SULT4A1: variants seen among roughly 807,000 people sequenced by gnomAD.
The protein encoded by SULT4A1 is sulfotransferase family 4A member 1, also known as sulfotransferase 4A1.
SULT4A1 carries 11 observed loss-of-function variants against 35.2 expected under a neutral mutation model. That is an observed-to-expected ratio of 0.31 (90% CI 0.20 to 0.52). SULT4A1 has a LOEUF of 0.52. SULT4A1 is among the 20% of genes least tolerant of loss of function. The pLI is 0.97. For missense variants in SULT4A1, 271 were observed against 383.7 expected (o/e 0.71, Z 2.45); for synonymous variants, 152 against 151.8 (o/e 1.00, Z -0.01).
At chr22:43,834,249 A>G (rs373145345) in intron 4 of SULT4A1, among the ~76,000 whole-genome samples, 168 of 151,192 alleles carry the variant, frequency 1.1e-3, no homozygotes, top group African/African-American at 3.7e-3. Context: ...TCCTGTCCTG[A>G]CCTCCAAGAG....
rs141526060 is a variant in SULT4A1, at chr22:43,849,545, G to A, written c.170-7613C>T. Reference sequence around the variant, plus strand: ...CGGACAGAAGCAGTGTGACTTCAGAGGAACAGGCTCATGGTGTAGCTTCGG... The same window carrying A: ...CGGACAGAAGCAGTGTGACTTCAGAAGAACAGGCTCATGGTGTAGCTTCGG... On this transcript the variant is annotated intron_variant, in intron 1 of 6. Transcript: ENST00000330884. Among the ~76,000 whole-genome samples, 11 of 152,288 alleles carry A rather than the reference G, an allele frequency of 7.2e-5. No individual in the cohort carries two copies. In the East Asian group the frequency reaches 2.1e-3, roughly 29 times the overall value.
intron 1 of SULT4A1, among the ~76,000 whole-genome samples, chr22:43,851,321 A>C (rs959507304): frequency 6.6e-6 from 1 of 152,138 alleles, no homozygotes; most frequent in Admixed American, 6.5e-5. Flanking sequence ...AGGTGGTGTT[A>C]TTCTGGGTTT....
intron 1 of SULT4A1, among the ~76,000 whole-genome samples, chr22:43,856,923 A>T (rs773845887): frequency 2.6e-5 from 4 of 152,188 alleles, no homozygotes; most frequent in Admixed American, 6.5e-5. Context: ...AAAAGGTACT[A>T]TTCACAAAAA....
intron 2 of SULT4A1, among the ~76,000 whole-genome samples, chr22:43,841,150 G>A (rs539283233): frequency 9.8e-5 from 15 of 152,354 alleles, no homozygotes; most frequent in Middle Eastern, 3.4e-3. Context: ...CAAAATGGCC[G>A]TTCAGGCCCG....
chr22:43,847,844 C>G (rs896014057), intron 1 of SULT4A1, among the ~76,000 whole-genome samples: 1 of 152,240 alleles, frequency 6.6e-6, no homozygotes, highest in African/African-American at 2.4e-5. Context: ...TGGTCTTAGT[C>G]ACTGTTTTAG....
intron 1 of SULT4A1, among the ~76,000 whole-genome samples, chr22:43,847,686 C>T (rs2063485470): frequency 6.6e-6 from 1 of 151,398 alleles, no homozygotes; most frequent in South Asian, 2.1e-4. Context: ...CTTGGGCTTG[C>T]TCTGTGGGTC....
intron 1 of SULT4A1, 53 bp downstream of exon 1, chr22:43,862,161 C>A: frequency 7.4e-7 from 1 of 1,357,120 alleles, no homozygotes; most frequent in Non-Finnish European, 9.5e-7. Flanking sequence ...TCTACGCGGC[C>A]GCGCTGCAGG....
chr22:43,826,256 C>T (rs1359438311), intron 6 of SULT4A1, 143 bp from the exon 7 acceptor site: 14 of 1,456,840 alleles, frequency 9.6e-6, no homozygotes, highest in East Asian at 2.5e-5. Context: ...CAGGAAGGGC[C>T]GTCTGAGCTA....
chr22:43,827,500 G>A (rs2063295766), intron 6 of SULT4A1: 1 of 1,329,472 alleles, frequency 7.5e-7, no homozygotes, highest in South Asian at 1.2e-5. Context: ...GAGCTCGTCA[G>A]AGGAGTCACC....
chr22:43,860,080 A>C lies in SULT4A1; in HGVS notation c.169+2134T>G, dbSNP rs558287701. ...AGCCCCCACCACCCCTTTGAACCCC[A>C]GTTTCTCCATCAGCAGAGGGTGGGA... On this transcript the variant is annotated intron_variant, in intron 1 of 6. Transcript: ENST00000330884. Among the ~76,000 whole-genome samples, 16 of 152,262 alleles carry C rather than the reference A, an allele frequency of 1.1e-4. No individual in the cohort carries two copies. In the South Asian group the frequency reaches 3.3e-3, roughly 32 times the overall value.
chr22:43,837,132 G>T (rs949021258), intron 4 of SULT4A1, among the ~76,000 whole-genome samples: 1 of 152,260 alleles, frequency 6.6e-6, no homozygotes, highest in East Asian at 1.9e-4. Flanking sequence ...ACCGTCTTCA[G>T]GACATCAGGG....
intron 5 of SULT4A1, among the ~76,000 whole-genome samples, chr22:43,833,076 C>T (rs1479341969): frequency 6.6e-6 from 1 of 152,130 alleles, no homozygotes; most frequent in Non-Finnish European, 1.5e-5. Context: ...TCCTCTTTCC[C>T]ATGGGCCAGG....
chr22:43,841,702 C>G (rs1040385602), intron 2 of SULT4A1, 100 bp downstream of exon 2: 4 of 1,522,954 alleles, frequency 2.6e-6, no homozygotes, highest in Non-Finnish European at 3.5e-6. Flanking sequence ...CTGCTCTCCC[C>G]TAATCCACAG....
intron 2 of SULT4A1, 87 bp downstream of exon 2, chr22:43,841,715 C>A (rs903261400): frequency 9.8e-6 from 15 of 1,534,492 alleles, no homozygotes; most frequent in East Asian, 2.3e-5. Context: ...ATCCACAGAG[C>A]CCCCAGGAGC....
chr22:43,847,300 C>G, intron 1 of SULT4A1, among the ~76,000 whole-genome samples: 1 of 152,220 alleles, frequency 6.6e-6, no homozygotes, highest in East Asian at 1.9e-4. Context: ...GAAAAATGGT[C>G]ATTATACTAT....
At chr22:43,839,814 C>T (rs1165388429) in intron 3 of SULT4A1, 131 bp downstream of exon 3, 6 of 829,562 alleles carry the variant, frequency 7.2e-6, no homozygotes, top group East Asian at 2.7e-5. Flanking sequence ...GGGATCTTCA[C>T]GTGTGGGCTC....
Position 43,862,447 on chromosome 22 carries a change from G to GCCCGCC in SULT4A1, c.-66_-65insGGCGGG, listed in dbSNP as rs2049485594. 1.0e-6 allele frequency: 1 copy of GCCCGCC among 971,430 alleles called. No individual in the cohort carries two copies. The highest frequency in any genetic ancestry group is 6.8e-5 in the Admixed American group (1 of 14,644). 60.2% of individuals were successfully genotyped at this position (971,430 alleles called of 1,614,324 possible). A position where few individuals can be genotyped will look rare whatever the true frequency, so the allele number is the denominator to read the frequency against. ...GCAGCCCGCACGCGCCCGCGCCCGC[G>GCCCGCC]CCCGCGCCCGCGCCCCGCACACGCT... On this transcript the variant is annotated 5_prime_UTR_variant, in exon 1 of 7. Coordinates refer to ENST00000330884, the MANE Select transcript of SULT4A1 (RefSeq NM_014351.4).
chr22:43,830,458 T>C (rs1011851504), intron 5 of SULT4A1, among the ~76,000 whole-genome samples: 2 of 152,214 alleles, frequency 1.3e-5, no homozygotes, highest in Non-Finnish European at 2.9e-5. Context: ...TTGCTGGTTA[T>C]GAAACCCAGC....
intron 1 of SULT4A1, 150 bp from the exon 2 acceptor site, chr22:43,842,082 C>T: frequency 1.6e-6 from 2 of 1,287,860 alleles, no homozygotes; most frequent in Middle Eastern, 2.8e-4. Context: ...GCGCGCCCCG[C>T]ACGGTCTCAG....
Sources: gnomAD v4.1 joint callset for allele counts (sites outside exome capture counted in the v4.1 genomes callset) on GRCh38, gnomAD v4.1.1 for gene constraint, MANE v1.5 for transcripts, NCBI Gene and HGNC (gene_info 2026-07-23, HGNC 2026-07-21) for gene names.